The following CAPN3 variants were observed in gnomAD, a reference collection of about 807,000 sequenced individuals.
CAPN3 encodes calpain 3, also known as calpain-3.
CAPN3 carries 88 observed loss-of-function variants against 114.0 expected under a neutral mutation model. The ratio of observed to expected loss-of-function variants is 0.77; its 90% CI spans 0.65 to 0.92. The LOEUF (loss-of-function observed/expected upper bound fraction) is 0.92, where lower values mean the gene tolerates loss of function less well. Ranked by LOEUF, CAPN3 falls within the 40% of genes least tolerant of loss-of-function variation. The pLI is 0.00. For synonymous variants in CAPN3, 386 were observed against 382.9 expected (o/e 1.01, Z -0.09); for missense variants, 1,028 against 1,069.0 (o/e 0.96, Z 0.53).
chr15:42,381,792 C>G (rs1180916029), intron 1 of CAPN3, among the ~76,000 whole-genome samples: 1 of 152,174 alleles, frequency 6.6e-6, no homozygotes, highest in Non-Finnish European at 1.5e-5. Flanking sequence ...CCCACCTCAG[C>G]CTCCCAAAAT....
chr15:42,409,432 T>C (rs2054135447), intron 17 of CAPN3, 52 bp downstream of exon 17: 1 of 1,477,398 alleles, frequency 6.8e-7, no homozygotes, highest in East Asian at 2.3e-5. Context: ...CTCTCCTGGA[T>C]TAACTGCTCA....
chr15:42,360,870 T>C (rs2052625460), intron 1 of CAPN3, among the ~76,000 whole-genome samples: 2 of 152,220 alleles, frequency 1.3e-5, no homozygotes, highest in African/African-American at 4.8e-5. Flanking sequence ...TGATCATCCC[T>C]CCAGTGTGAC....
At chr15:42,390,802 T>G (rs1342064685) in intron 6 of CAPN3, among the ~76,000 whole-genome samples, 1,561 of 150,840 alleles carry the variant, frequency 0.01, 37 homozygotes, top group African/African-American at 0.036. Context: ...TTTTTTTTTT[T>G]TTTTTGGAAA....
chr15:42,369,371 C>T (rs2052872536), intron 1 of CAPN3, among the ~76,000 whole-genome samples: 1 of 152,038 alleles, frequency 6.6e-6, no homozygotes, highest in Non-Finnish European at 1.5e-5. Context: ...GATGGTGATG[C>T]TCCTGCTCTG....
rs781241796 is a variant in CAPN3, at chr15:42,396,879, T to C, written c.1193+2T>C. ...GGTCACTGAGGATGGAGAGTTCTGG[T>C]GAGTCCAGAACCCAGGAAGACCCAG... is the stretch of plus-strand genomic sequence containing the variant. On this transcript the variant is annotated splice_donor_variant, in intron 9 of 23. Transcript: ENST00000397163. LOFTEE classifies it high-confidence loss of function. The C allele has an allele frequency of 1.2e-6, 2 of 1,609,454 alleles. No individual in the cohort carries two copies. The highest frequency in any genetic ancestry group is 8.5e-7 in the Non-Finnish European group (1 of 1,175,802).
chr15:42,403,517 T>C (rs1456323201), intron 13 of CAPN3, among the ~76,000 whole-genome samples: 2 of 151,966 alleles, frequency 1.3e-5, no homozygotes, highest in African/African-American at 4.8e-5. Flanking sequence ...GGTCATGCCT[T>C]TGGGGGGCTC....
intron 15 of CAPN3, among the ~76,000 whole-genome samples, chr15:42,406,667 G>A (rs1025395166): frequency 6.6e-6 from 1 of 152,172 alleles, no homozygotes; most frequent in African/African-American, 2.4e-5. Flanking sequence ...TCCAAAACCT[G>A]TGTTTCTTGC....
intron 1 of CAPN3, among the ~76,000 whole-genome samples, chr15:42,362,990 A>T (rs2052684159): frequency 6.6e-6 from 1 of 152,244 alleles, no homozygotes; most frequent in Non-Finnish European, 1.5e-5. Flanking sequence ...TCGACCATCA[A>T]GTATTATTTA....
In CAPN3 at chr15:42,399,592, T is replaced by A; in HGVS notation, c.1294T>A (p.Ser432Thr). 6.2e-7 allele frequency: 1 copy of A among 1,613,998 alleles called. No homozygotes were observed. The highest frequency in any genetic ancestry group is 1.1e-5 in the South Asian group (1 of 91,058). The change falls in exon 10 of 24, where the codon TCT becomes ACT. Residue 432 changes from serine to threonine, a missense_variant. Transcript: ENST00000397163. ...QSDKLQTWTV[S>T]VNEGRWVRGC... Reference sequence around the variant, plus strand: ...TGACAAGCTTCAGACCTGGACAGTGTCTGTGAACGAGGGCCGCTGGGTACG... The same window carrying A: ...TGACAAGCTTCAGACCTGGACAGTGACTGTGAACGAGGGCCGCTGGGTACG...
intron 1 of CAPN3, among the ~76,000 whole-genome samples, chr15:42,361,129 G>A (rs1198371928): frequency 6.6e-6 from 1 of 152,188 alleles, no homozygotes; most frequent in Non-Finnish European, 1.5e-5. Flanking sequence ...AGGAAATGAT[G>A]ACAAGCTGAG....
At chr15:42,376,955 C>T (rs766202171) in intron 1 of CAPN3, among the ~76,000 whole-genome samples, 8 of 152,108 alleles carry the variant, frequency 5.3e-5, no homozygotes, top group African/African-American at 9.7e-5. Flanking sequence ...TTTTAAATTT[C>T]GAATTCCAGT....
chr15:42,405,214 T>G (rs887725548), intron 14 of CAPN3, among the ~76,000 whole-genome samples: 1 of 152,240 alleles, frequency 6.6e-6, no homozygotes, highest in Non-Finnish European at 1.5e-5. Context: ...CAAAAATTTT[T>G]AAAAAATATT....
chr15:42,398,664 CATAT>C (rs921615891), intron 9 of CAPN3, among the ~76,000 whole-genome samples: 1 of 141,384 alleles, frequency 7.1e-6, no homozygotes, highest in Admixed American at 6.8e-5. Flanking sequence ...TATACACACA[CATAT>C]ACACACACAC....
At chr15:42,375,704 GA>G (rs965237216) in intron 1 of CAPN3, among the ~76,000 whole-genome samples, 3 of 152,168 alleles carry the variant, frequency 2.0e-5, no homozygotes, top group African/African-American at 7.2e-5. Context: ...AAAAAATTGT[GA>G]AGATGGTACA....
At chr15:42,360,980 C>T (rs1055420123) in intron 1 of CAPN3, among the ~76,000 whole-genome samples, 1 of 152,182 alleles carries the variant, frequency 6.6e-6, no homozygotes, top group Non-Finnish European at 1.5e-5. Context: ...ACCAAAATTC[C>T]AGCTGTCTTG....
In CAPN3 at chr15:42,411,994, C is replaced by T. The variant is rs1479206740; in HGVS notation, c.*221C>T. 5 of 1,509,298 alleles carry T rather than the reference C, an allele frequency of 3.3e-6. No homozygotes were observed. The African/African-American group carries it at 4.1e-5, about 13-fold the overall frequency. The allele number at this position is 1,509,298 out of a possible 1,614,324, so 93.5% of individuals were successfully genotyped here. The stretch of plus-strand genomic sequence containing the variant: ...AAAGCAATGAGGTAGGAAGAACAAA[C>T]CCTTGTCCCTTTGCCATGTGGAGGA... On this transcript the variant is annotated 3_prime_UTR_variant, in exon 24 of 24. Transcript: ENST00000397163.
chr15:42,362,938 G>C (rs749341377), intron 1 of CAPN3, among the ~76,000 whole-genome samples: 1 of 152,150 alleles, frequency 6.6e-6, no homozygotes, highest in Non-Finnish European at 1.5e-5. Context: ...TGCTTTTACT[G>C]TCTAAGGCAC....
chr15:42,395,916 C>G (rs1465919030), intron 8 of CAPN3, among the ~76,000 whole-genome samples: 1 of 152,178 alleles, frequency 6.6e-6, no homozygotes, highest in African/African-American at 2.4e-5. Context: ...TTTATTGCCA[C>G]CATAGTGAGG....
At chr15:42,380,751 A>ATATATATATATTTTTTTTT (rs1436943739) in intron 1 of CAPN3, among the ~76,000 whole-genome samples, 1 of 64,456 alleles carries the variant, frequency 1.6e-5, no homozygotes, top group African/African-American at 8.9e-5. Context: ...ATATATATAT[A>ATATATATATATTTTTTTTT]TTTTTTTTTT....
Sources: gnomAD v4.1 joint callset for allele counts (sites outside exome capture counted in the v4.1 genomes callset) on GRCh38, gnomAD v4.1.1 for gene constraint, MANE v1.5 for transcripts, NCBI Gene and HGNC (gene_info 2026-07-23, HGNC 2026-07-21) for gene names.